The following PDE1C variants were observed in gnomAD, a reference collection of about 807,000 sequenced individuals.
PDE1C encodes the protein phosphodiesterase 1C.
Under a neutral mutation model 93.1 loss-of-function variants are expected in PDE1C, and 62 were observed. That is an observed-to-expected ratio of 0.67 (90% confidence interval 0.54 to 0.82). The LOEUF (loss-of-function observed/expected upper bound fraction) is 0.82, where lower values mean the gene tolerates loss of function less well. PDE1C is among the 40% of genes least tolerant of loss of function. PDE1C has a pLI of 0.00. For synonymous variants in PDE1C, 325 were observed against 310.1 expected (o/e 1.05, Z -0.50); for missense variants, 742 against 884.6 (o/e 0.84, Z 2.04).
Position 31,770,791 on chromosome 7 carries a change from C to G in PDE1C, c.1960+4873G>C, listed in dbSNP as rs148151256. Among the ~76,000 whole-genome samples, 269 of 152,214 alleles carry G rather than the reference C, an allele frequency of 1.8e-3. 7 individuals are homozygous for G. The East Asian group carries it at 0.045, about 25-fold the overall frequency. Reference sequence around the variant, plus strand: ...TCCAAAAGTGCATGAGCCACCAAGCCCAGCCGTTTCCTTCTAAGATTTTTA... The same window carrying G: ...TCCAAAAGTGCATGAGCCACCAAGCGCAGCCGTTTCCTTCTAAGATTTTTA... On this transcript the variant is annotated intron_variant, in intron 17 of 17. Coordinates refer to ENST00000396191, the MANE Select transcript of PDE1C (RefSeq NM_001191057.4).
upstream of PDE1C, chr7:32,071,385 G>C: frequency 1.0e-6 from 1 of 985,304 alleles, no homozygotes; most frequent in East Asian, 1.1e-4. Context: ...GCGACTGATG[G>C]GGACGAAGGG....
At chr7:31,748,987 G>A (rs1441754873), downstream of PDE1C, among the ~76,000 whole-genome samples, 1 of 152,228 alleles carries the variant, frequency 6.6e-6, no homozygotes, top group Non-Finnish European at 1.5e-5. Context: ...CTAAGGAAGA[G>A]AGATTTGGAT....
chr7:32,243,057 A>T (rs536547066), intron 1 of PDE1C, among the ~76,000 whole-genome samples: 1 of 152,168 alleles, frequency 6.6e-6, no homozygotes, highest in Non-Finnish European at 1.5e-5. Flanking sequence ...CCTGACACAA[A>T]CGAGTTACTC....
chr7:32,097,606 C>A (rs1043286372), intron 3 of PDE1C, among the ~76,000 whole-genome samples: 6 of 152,164 alleles, frequency 3.9e-5, no homozygotes, highest in East Asian at 1.9e-4. Flanking sequence ...AGCCACCAGA[C>A]AAAGCATCCC....
chr7:32,148,440 T>A (rs1801044385), intron 3 of PDE1C, among the ~76,000 whole-genome samples: 1 of 152,154 alleles, frequency 6.6e-6, no homozygotes, highest in African/African-American at 2.4e-5. Flanking sequence ...CAGATAAGTT[T>A]TCATCAGAAA....
At chr7:31,873,667 G>A (rs1796208632) in intron 5 of PDE1C, among the ~76,000 whole-genome samples, 2 of 152,114 alleles carry the variant, frequency 1.3e-5, no homozygotes, top group South Asian at 4.2e-4. Flanking sequence ...CATTATGGTT[G>A]GTGATAAATA....
rs565805281 is a variant in PDE1C at position 31,895,918 on chromosome 7, T to G, written c.129-15058A>C. Among the ~76,000 whole-genome samples, 222 of 152,186 alleles carry G rather than the reference T, an allele frequency of 1.5e-3. 1 individual carries two copies. Among genetic ancestry groups the G allele is most frequent in the Non-Finnish European group, 2.4e-3 (163 of 68,022 alleles). On this transcript the variant is annotated intron_variant, in intron 2 of 17. Coordinates refer to ENST00000396191, the MANE Select transcript of PDE1C (RefSeq NM_001191057.4). The stretch of plus-strand genomic sequence containing the variant: ...TGGAACTGTGAGTCCATTAAACCTC[T>G]TTTTCTTTATAAATTACCCAGTGTC...
chr7:31,621,585 C>G, the PDE1C span, among the ~76,000 whole-genome samples: 5 of 147,450 alleles, frequency 3.4e-5, no homozygotes, highest in African/African-American at 7.6e-5. Context: ...CAGGCCTGCC[C>G]TAAAAGAGCT....
intron 16 of PDE1C, among the ~76,000 whole-genome samples, chr7:31,793,782 A>C (rs1201267556): frequency 3.3e-5 from 5 of 151,824 alleles, no homozygotes; most frequent in Non-Finnish European, 1.5e-5. Context: ...TCACAAGTAC[A>C]TGACAGCTAT....
chr7:32,318,818 T>C (rs1783225438), intron 1 of PDE1C, among the ~76,000 whole-genome samples: 1 of 152,146 alleles, frequency 6.6e-6, no homozygotes, highest in South Asian at 2.1e-4. Context: ...GACCAAGACC[T>C]CTACGGGAAG....
the PDE1C span, among the ~76,000 whole-genome samples, chr7:31,682,259 GA>G: frequency 5.3e-5 from 8 of 152,150 alleles, no homozygotes; most frequent in Admixed American, 3.3e-4. Context: ...TTAAATATAG[GA>G]AAGGAAAAGA....
intron 3 of PDE1C, among the ~76,000 whole-genome samples, chr7:32,129,311 TTTTA>T (rs1799784733): frequency 6.6e-6 from 1 of 151,662 alleles, no homozygotes; most frequent in Admixed American, 6.6e-5. Context: ...GTAATCCCAC[TTTTA>T]TTTGTTTTTG....
At chr7:31,725,238 G>A in the PDE1C span, among the ~76,000 whole-genome samples, 8 of 152,102 alleles carry the variant, frequency 5.3e-5, no homozygotes, top group African/African-American at 1.2e-4. Context: ...GATGGCCATC[G>A]GGAGGTACTG....
the PDE1C span, among the ~76,000 whole-genome samples, chr7:31,722,805 G>GT: frequency 6.6e-6 from 1 of 152,126 alleles, no homozygotes; most frequent in Admixed American, 6.5e-5. Context: ...ATGAGATGAG[G>GT]TGGAGGGTCC....
At chr7:31,884,437 A>C (rs1797635319) in intron 2 of PDE1C, among the ~76,000 whole-genome samples, 1 of 152,244 alleles carries the variant, frequency 6.6e-6, no homozygotes, top group Non-Finnish European at 1.5e-5. Context: ...AGAAAAAAAC[A>C]TGACAATAGA....
chr7:32,293,982 G>C (rs1424031918), intron 1 of PDE1C, among the ~76,000 whole-genome samples: 2 of 152,096 alleles, frequency 1.3e-5, no homozygotes, highest in African/African-American at 4.8e-5. Flanking sequence ...TGCCCCAGGG[G>C]AGGCCGGGGG....
intron 3 of PDE1C, among the ~76,000 whole-genome samples, chr7:32,112,922 C>G (rs922500950): frequency 6.9e-6 from 1 of 145,594 alleles, no homozygotes; most frequent in Non-Finnish European, 1.5e-5. Context: ...CAACTTTGAT[C>G]AGAGGCAGTA....
chr7:31,813,645 T>A (rs553698286), intron 15 of PDE1C, among the ~76,000 whole-genome samples: 26 of 152,250 alleles, frequency 1.7e-4, no homozygotes, highest in African/African-American at 5.8e-4. Context: ...TATGAACATA[T>A]GTTTTTATTT....
At chr7:31,642,908 G>A in the PDE1C span, 8 of 1,613,850 alleles carry the variant, frequency 5.0e-6, no homozygotes, top group African/African-American at 9.3e-5. Context: ...GCCATGGAGG[G>A]GCCACCAGAG....
Sources: gnomAD v4.1 joint callset for allele counts (sites outside exome capture counted in the v4.1 genomes callset) on GRCh38, gnomAD v4.1.1 for gene constraint, MANE v1.5 for transcripts, NCBI Gene and HGNC (gene_info 2026-07-23, HGNC 2026-07-21) for gene names.